Variants in WDR70 observed in about 807,000 individuals in gnomAD.
The protein encoded by WDR70 is WD repeat domain 70, also known as WD repeat-containing protein 70.
Under a neutral mutation model 88.6 loss-of-function variants are expected in WDR70, and 53 were observed. The observed-to-expected ratio is 0.60, with a 90% CI of 0.48 to 0.75. The LOEUF is 0.75. Ranked by LOEUF, WDR70 falls within the 30% of genes least tolerant of loss-of-function variation. The pLI, the probability that WDR70 is intolerant of heterozygous loss-of-function variation, is 0.00. For synonymous variants in WDR70, 280 were observed against 270.0 expected, an observed-to-expected ratio of 1.04 and a Z score of -0.36; for missense variants, 610 against 823.2, an observed-to-expected ratio of 0.74 and a Z score of 3.17.
chr5:37,461,769 C>T (rs576354823), intron 7 of WDR70, among the ~76,000 whole-genome samples: 29 of 152,132 alleles, frequency 1.9e-4, no homozygotes, highest in Non-Finnish European at 4.0e-4. Context: ...AGGCGTGAGC[C>T]ACTGCTCCCG....
chr5:37,409,560 AGTGGT>A (rs1197177579), intron 5 of WDR70, among the ~76,000 whole-genome samples: 1 of 149,416 alleles, frequency 6.7e-6, no homozygotes, highest in East Asian at 2.0e-4. Flanking sequence ...GCTGGAGTGC[AGTGGT>A]GCGATCTCGT....
intron 10 of WDR70, among the ~76,000 whole-genome samples, chr5:37,629,425 T>C (rs1441448548): frequency 6.6e-6 from 1 of 152,220 alleles, no homozygotes; most frequent in Non-Finnish European, 1.5e-5. Flanking sequence ...GAATATTTGC[T>C]TGCTTAATGA....
At chr5:37,572,440 C>T (rs1314995823) in intron 9 of WDR70, among the ~76,000 whole-genome samples, 1 of 152,002 alleles carries the variant, frequency 6.6e-6, no homozygotes, top group Non-Finnish European at 1.5e-5. Context: ...TTGATAACTC[C>T]TTCTTTTTCT....
At chr5:37,738,029 TAA>T (rs56082932) in intron 17 of WDR70, among the ~76,000 whole-genome samples, 10 of 142,174 alleles carry the variant, frequency 7.0e-5, no homozygotes, top group African/African-American at 2.3e-4. Context: ...GCCTAATATT[TAA>T]AAAAAAAAAA....
At chr5:37,517,258 A>G (rs978712068) in intron 9 of WDR70, among the ~76,000 whole-genome samples, 2 of 152,118 alleles carry the variant, frequency 1.3e-5, no homozygotes, top group Admixed American at 1.3e-4. Context: ...ATTGGCTAAG[A>G]TTGATTTTGA....
intron 2 of WDR70, among the ~76,000 whole-genome samples, chr5:37,380,505 AT>A (rs1368425032): frequency 3.4e-5 from 5 of 147,908 alleles, no homozygotes; most frequent in Admixed American, 6.8e-5. Flanking sequence ...CGCCCGGCTG[AT>A]TTTTTTTTTG....
intron 9 of WDR70, among the ~76,000 whole-genome samples, chr5:37,562,119 A>C (rs1486294242): frequency 6.6e-6 from 1 of 152,204 alleles, no homozygotes; most frequent in East Asian, 1.9e-4. Context: ...GCACTTTGGG[A>C]GGCCAAGGCA....
intron 10 of WDR70, among the ~76,000 whole-genome samples, chr5:37,632,577 T>C (rs1744846430): frequency 6.6e-6 from 1 of 152,146 alleles, no homozygotes; most frequent in Admixed American, 6.5e-5. Flanking sequence ...GTTTTAAAAG[T>C]TAAAAATTTT....
intron 9 of WDR70, among the ~76,000 whole-genome samples, chr5:37,546,406 A>G (rs1291061686): frequency 1.3e-5 from 2 of 152,160 alleles, no homozygotes; most frequent in Admixed American, 1.3e-4. Flanking sequence ...CAAGTTTGTT[A>G]TGTTTTACTA....
intron 10 of WDR70, among the ~76,000 whole-genome samples, chr5:37,686,242 G>A (rs1746594040): frequency 6.6e-6 from 1 of 151,638 alleles, no homozygotes; most frequent in Non-Finnish European, 1.5e-5. Context: ...TTGAGCCTGG[G>A]AGGTTGAGGC....
At chr5:37,594,944 CTT>C (rs1298170464) in intron 9 of WDR70, among the ~76,000 whole-genome samples, 2 of 152,084 alleles carry the variant, frequency 1.3e-5, no homozygotes, top group Non-Finnish European at 2.9e-5. Flanking sequence ...CTATGTTTGT[CTT>C]TTATTTGTGT....
At chr5:37,432,533 C>G (rs1196466791) in intron 5 of WDR70, among the ~76,000 whole-genome samples, 4 of 151,754 alleles carry the variant, frequency 2.6e-5, no homozygotes, top group Non-Finnish European at 5.9e-5. Flanking sequence ...GGACTACAGG[C>G]GTGTGCCACC....
chr5:37,470,897 T>G (rs1739307137), intron 7 of WDR70, among the ~76,000 whole-genome samples: 1 of 152,108 alleles, frequency 6.6e-6, no homozygotes. Flanking sequence ...ACTTCTTTTT[T>G]TTTTTTTTGA....
chr5:37,530,815 ATCT>A (rs1741460921), intron 9 of WDR70, among the ~76,000 whole-genome samples: 1 of 127,484 alleles, frequency 7.8e-6, no homozygotes, highest in Admixed American at 7.8e-5. Flanking sequence ...TTATGCTCTG[ATCT>A]TCATTATTTC....
At chr5:37,474,675 G>T (rs1739424118) in intron 7 of WDR70, among the ~76,000 whole-genome samples, 1 of 152,038 alleles carries the variant, frequency 6.6e-6, no homozygotes, top group Non-Finnish European at 1.5e-5. Context: ...CCATCACCTA[G>T]GTATTAAGCC....
intron 9 of WDR70, among the ~76,000 whole-genome samples, chr5:37,520,345 G>C (rs771164457): frequency 6.6e-6 from 1 of 151,926 alleles, no homozygotes; most frequent in Non-Finnish European, 1.5e-5. Flanking sequence ...AAATTAATTT[G>C]ATCTAAAAGA....
chr5:37,656,476 C>T lies in WDR70; in HGVS notation c.1093-41179C>T, dbSNP rs999855230. Among the ~76,000 whole-genome samples the T allele has an allele frequency of 2.6e-5, 4 of 152,344 alleles. No homozygotes were observed. The South Asian group carries it at 8.3e-4, about 32-fold the overall frequency. On this transcript the variant is annotated intron_variant, in intron 10 of 17. Transcript: ENST00000265107. ...CCCTTAGCAGAGCTCAAGCGCTGTGCTGGGAGATCCACTGCTCTCTTCAGA... is the reference window on the plus strand; with the variant it reads ...CCCTTAGCAGAGCTCAAGCGCTGTGTTGGGAGATCCACTGCTCTCTTCAGA...
chr5:37,430,942 C>T (rs555972323), intron 5 of WDR70, among the ~76,000 whole-genome samples: 31 of 152,248 alleles, frequency 2.0e-4, no homozygotes, highest in South Asian at 8.3e-4. Flanking sequence ...CAACCTCTGC[C>T]TCCCGGGTTC....
chr5:37,621,424 A>C (rs971048778), intron 10 of WDR70, among the ~76,000 whole-genome samples: 16 of 152,166 alleles, frequency 1.1e-4, no homozygotes, highest in African/African-American at 3.4e-4. Context: ...AAAGTGTTTC[A>C]TCACCCGATA....
Sources: gnomAD v4.1 joint callset for allele counts (sites outside exome capture counted in the v4.1 genomes callset) on GRCh38, gnomAD v4.1.1 for gene constraint, MANE v1.5 for transcripts, NCBI Gene and HGNC (gene_info 2026-07-23, HGNC 2026-07-21) for gene names.